The following ZNF286A variants were observed in gnomAD, a reference collection of about 807,000 sequenced individuals.
The protein encoded by ZNF286A is zinc finger protein 286A.
In ZNF286A, 34 loss-of-function variants were observed where a neutral mutation model predicts 49.3. The observed-to-expected ratio is 0.69, with a 90% confidence interval of 0.52 to 0.92. The LOEUF (loss-of-function observed/expected upper bound fraction) is 0.92, where lower values mean the gene tolerates loss of function less well. ZNF286A is among the 40% of genes least tolerant of loss of function. The probability of loss-of-function intolerance (pLI) is 0.00; values close to 1 mark genes in which losing one functional copy is unlikely to be tolerated. For synonymous variants in ZNF286A, 155 were observed against 200.4 expected, an observed-to-expected ratio of 0.77 and a Z score of 1.91; for missense variants, 462 against 600.2, an observed-to-expected ratio of 0.77 and a Z score of 2.41.
At chr17:15,710,075 G>T (rs1440276293) in intron 5 of ZNF286A, 11 of 560,894 alleles carry the variant, frequency 2.0e-5, no homozygotes. Flanking sequence ...AGTTTCTTGT[G>T]AGTTACCTGT....
chr17:15,709,877 G>A lies in ZNF286A; in HGVS notation c.334+1630G>A, dbSNP rs564683857. ...TTCATCTTGAGAGCTGGTTTAGGGA[G>A]ATAACTGGAAGAAGAATTAGTAGGT... On this transcript the variant is annotated intron_variant, in intron 5 of 5. Coordinates refer to ENST00000583566, the MANE Select transcript of ZNF286A (RefSeq NM_001130842.2). 6 of 1,544,006 alleles carry A rather than the reference G, an allele frequency of 3.9e-6. No homozygotes were observed. In the East Asian group the frequency reaches 7.4e-5, roughly 19 times the overall value.
At chr17:15,702,094 C>T (rs1394402591) in intron 3 of ZNF286A, among the ~76,000 whole-genome samples, 1 of 151,396 alleles carries the variant, frequency 6.6e-6, no homozygotes. Flanking sequence ...TGCATTCCAG[C>T]CTGGGCAATG....
chr17:15,715,159 G>A (rs1966964511), intron 5 of ZNF286A, among the ~76,000 whole-genome samples: 1 of 151,712 alleles, frequency 6.6e-6, no homozygotes, highest in African/African-American at 2.4e-5. Flanking sequence ...TCTCTCCCAT[G>A]TTCTGATGTT....
chr17:15,717,393 T>C lies in ZNF286A; in HGVS notation c.*103T>C, dbSNP rs989006183. ...TCCATAATATGCATGTGAGGACCAA[T>C]TCTGTATGCATCTAATTTCATTTGC... is the stretch of plus-strand genomic sequence containing the variant. On this transcript the variant is annotated 3_prime_UTR_variant, in exon 6 of 6. Coordinates refer to ENST00000583566, the MANE Select transcript of ZNF286A (RefSeq NM_001130842.2). The C allele has an allele frequency of 1.4e-6, 2 of 1,463,500 alleles. No individual in the cohort carries two copies. The highest frequency in any genetic ancestry group is 2.9e-5 in the African/African-American group (2 of 70,168). 90.7% of individuals were successfully genotyped at this position (1,463,500 alleles called of 1,614,324 possible). A position where few individuals can be genotyped will look rare whatever the true frequency, so the allele number is the denominator to read the frequency against.
At position 15,718,854 on chromosome 17, in the gene ZNF286A, TCTCAGGGAGCTTTTA is replaced by T. The variant is rs1241932655; in HGVS notation, c.*1569_*1583del. On this transcript the variant is annotated 3_prime_UTR_variant, in exon 6 of 6. Coordinates refer to ENST00000583566, the MANE Select transcript of ZNF286A (RefSeq NM_001130842.2). ...TGTACAGGAAGTATGACTGGGGAGG[TCTCAGGGAGCTTTTA>T]CTCATGGCAAAAGGCAAAGCCAGAG... 3.6e-5 allele frequency: 5 copies of T among 139,608 alleles called. No individual in the cohort carries two copies. The highest frequency in any genetic ancestry group is 1.4e-4 in the African/African-American group (5 of 35,232). The allele number at this position is 139,608 out of a possible 1,614,324, so 8.6% of individuals were successfully genotyped here. A position where few individuals can be genotyped will look rare whatever the true frequency, so the allele number is the denominator to read the frequency against.
chr17:15,716,190 C>G lies in ZNF286A; in HGVS notation c.466C>G (p.Leu156Val). 2 of 1,613,828 alleles carry G rather than the reference C, an allele frequency of 1.2e-6. No individual in the cohort carries two copies. Among genetic ancestry groups the G allele is most frequent in the Non-Finnish European group, 1.7e-6 (2 of 1,179,806 alleles). ...SVYDSNLEAALECENWLENQQ... is the reference protein window; with the variant it reads ...SVYDSNLEAAVECENWLENQQ... Reference sequence around the variant, plus strand: ...CTATGACTCTAACTTGGAAGCAGCCCTTGAATGTGAAAATTGGTTAGAGAA... The same window carrying G: ...CTATGACTCTAACTTGGAAGCAGCCGTTGAATGTGAAAATTGGTTAGAGAA... The change falls in exon 6 of 6, where the codon CTT becomes GTT. Residue 156 changes from leucine to valine, a missense_variant. By Grantham distance (32) the Leu-to-Val change is conservative. Transcript: ENST00000583566.
At chr17:15,702,004 C>G (rs1416509476) in intron 3 of ZNF286A, among the ~76,000 whole-genome samples, 1 of 152,068 alleles carries the variant, frequency 6.6e-6, no homozygotes, top group Admixed American at 6.6e-5. Context: ...CACCTGTAGT[C>G]CCAGCTAGTC....
chr17:15,715,998 A>T, intron 5 of ZNF286A, 61 bp from the exon 6 acceptor site: 1 of 1,609,802 alleles, frequency 6.2e-7, no homozygotes. Flanking sequence ...TACCTATTAC[A>T]GAACTGCCTT....
Position 15,716,563 on chromosome 17 carries a change from T to G in ZNF286A, c.839T>G (p.Phe280Cys), listed in dbSNP as rs1567713499. The change falls in exon 6 of 6, where the codon TTT (phenylalanine) becomes TGT (cysteine). Residue 280 changes from phenylalanine (F) to cysteine (C), a missense_variant. Coordinates refer to ENST00000583566, the MANE Select transcript of ZNF286A (RefSeq NM_001130842.2). The part of the protein sequence containing the change: ...PYTCNECGKS[F>C]SHRANLTKHQ... Reference sequence around the variant, plus strand: ...ACCTGCAATGAATGTGGGAAATCTTTTAGCCACAGAGCTAATTTAACTAAA... The same window carrying G: ...ACCTGCAATGAATGTGGGAAATCTTGTAGCCACAGAGCTAATTTAACTAAA... 1.9e-6 allele frequency: 3 copies of G among 1,613,942 alleles called. No individual in the cohort carries two copies. In the African/African-American group the frequency reaches 4.0e-5, roughly 22 times the overall value.
In ZNF286A at chr17:15,710,516, C is replaced by T. The variant is rs529576728; in HGVS notation, c.334+2269C>T. 1.1e-4 allele frequency among the ~76,000 whole-genome samples: 16 copies of T among 152,234 alleles called. No homozygotes were observed. In the South Asian group the frequency reaches 2.9e-3, roughly 28 times the overall value. On this transcript the variant is annotated intron_variant, in intron 5 of 5. Transcript: ENST00000583566. ...TTTGTAATGCTACCTGTGGTAAACCCAGTTCCTCAGCATACTTAGTTCTAT... is the reference window on the plus strand; with the variant it reads ...TTTGTAATGCTACCTGTGGTAAACCTAGTTCCTCAGCATACTTAGTTCTAT...
At position 15,717,144 on chromosome 17, in the gene ZNF286A, G is replaced by A. The variant is rs550465469; in HGVS notation, c.1420G>A (p.Ala474Thr). 8 of 1,613,370 alleles carry A rather than the reference G, an allele frequency of 5.0e-6. No homozygotes were observed. In the South Asian group the frequency reaches 8.8e-5, roughly 18 times the overall value. ...GTACAAATGTAGCGAGTGTGGAAAAGCCTTCATTCATTCATCAGCTCTCAT... is the reference window on the plus strand; with the variant it reads ...GTACAAATGTAGCGAGTGTGGAAAAACCTTCATTCATTCATCAGCTCTCAT... ...KPYKCSECGK[A>T]FIHSSALIQH... Residue 474 changes from alanine (A) to threonine (T), a missense_variant, in exon 6 of 6, where the codon GCC (alanine) becomes ACC (threonine). Transcript: ENST00000583566.
At position 15,720,296 on chromosome 17, in the gene ZNF286A, A is replaced by G. The variant is rs1165662995; in HGVS notation, c.*3006A>G. ...TCTCTTTCTCTCTCCTTCTCTACAT[A>G]GAGAAGTGCCAGAGCATCCGTCAGT... is the stretch of plus-strand genomic sequence containing the variant. On this transcript the variant is annotated 3_prime_UTR_variant, in exon 6 of 6. Transcript: ENST00000583566. The G allele has an allele frequency of 6.6e-6, 1 of 151,360 alleles. No homozygotes were observed. Among genetic ancestry groups the G allele is most frequent in the Non-Finnish European group, 1.5e-5 (1 of 67,858 alleles). 9.4% of individuals were successfully genotyped at this position (151,360 alleles called of 1,614,324 possible).
chr17:15,714,473 G>A (rs1966923186), intron 5 of ZNF286A, among the ~76,000 whole-genome samples: 1 of 152,046 alleles, frequency 6.6e-6, no homozygotes, highest in South Asian at 2.1e-4. Flanking sequence ...TATTTAACAA[G>A]CACTTAATGT....
chr17:15,703,143 G>A (rs999026674), intron 3 of ZNF286A, among the ~76,000 whole-genome samples: 11 of 152,158 alleles, frequency 7.2e-5, no homozygotes, highest in African/African-American at 1.9e-4. Flanking sequence ...ACACATGCGC[G>A]TGCACGCACA....
At position 15,706,399 on chromosome 17, in the gene ZNF286A, T is replaced by A. The variant is rs559208977; in HGVS notation, c.139T>A (p.Phe47Ile). The change falls in exon 4 of 6, where the codon TTC becomes ATC. Residue 47 changes from phenylalanine to isoleucine, a missense_variant. Physicochemically the swap from Phe to Ile is conservative, Grantham distance 21 (BLOSUM62 0). This residue lies in a region of ZNF286A where 259 missense variants were observed against 272.2 expected (regional missense o/e 0.95). Transcript: ENST00000583566. The part of the protein sequence containing the change: ...LTARSQETVT[F>I]KDVAMDFTPE... ...TTTTATGTTTTAGGAAACAGTGACA[T>A]TCAAGGATGTGGCCATGGACTTTAC... The A allele has an allele frequency of 5.6e-6, 9 of 1,613,746 alleles. No individual in the cohort carries two copies. The East Asian group carries it at 8.9e-5, about 16-fold the overall frequency.
chr17:15,703,618 T>C (rs1006173437), intron 3 of ZNF286A, among the ~76,000 whole-genome samples: 1 of 152,154 alleles, frequency 6.6e-6, no homozygotes, highest in Non-Finnish European at 1.5e-5. Context: ...CACTACTGTA[T>C]TCAGACATAT....
intron 5 of ZNF286A, among the ~76,000 whole-genome samples, chr17:15,715,683 A>G (rs1464205370): frequency 6.6e-6 from 1 of 152,136 alleles, no homozygotes; most frequent in East Asian, 1.9e-4. Flanking sequence ...TGTACTGTAC[A>G]TTAAGATGGT....
chr17:15,707,057 C>T (rs1156654287), intron 4 of ZNF286A, among the ~76,000 whole-genome samples: 2 of 152,128 alleles, frequency 1.3e-5, no homozygotes, highest in Admixed American at 1.3e-4. Flanking sequence ...CTAGCATGCA[C>T]GCATACACAC....
chr17:15,704,768 C>G (rs1990075214), intron 3 of ZNF286A: 10 of 1,613,922 alleles, frequency 6.2e-6, no homozygotes, highest in Admixed American at 1.7e-5. Context: ...TCGATGGTGA[C>G]CTGGAGGTCG....
Sources: gnomAD v4.1 joint callset for allele counts (sites outside exome capture counted in the v4.1 genomes callset) on GRCh38, gnomAD v4.1.1 for gene constraint, gnomAD v4.1.1 regional missense constraint, MANE v1.5 for transcripts, NCBI Gene and HGNC (gene_info 2026-07-23, HGNC 2026-07-21) for gene names.